Variants in PCDHA3 observed in about 807,000 individuals in gnomAD.
PCDHA3 encodes the protein protocadherin alpha 3, also known as protocadherin alpha-3.
A neutral mutation model predicts 62.2 loss-of-function variants in PCDHA3; 41 were observed. The ratio of observed to expected loss-of-function variants is 0.66; its 90% CI spans 0.51 to 0.86. The LOEUF is 0.86. Among genes scored for constraint, PCDHA3 ranks in the 40% least tolerant of loss-of-function variants. PCDHA3 has a pLI of 0.00. For missense variants in PCDHA3, 1,304 were observed against 1,241.2 expected (o/e 1.05, Z -0.76); for synonymous variants, 640 against 555.4 (o/e 1.15, Z -2.14).
intron 1 of PCDHA3, among the ~76,000 whole-genome samples, chr5:140,959,712 T>A (rs166567): frequency 0.25 from 37,822 of 152,086 alleles, 5,932 homozygotes; most frequent in African/African-American, 0.45. Flanking sequence ...AAAGGGAAAA[T>A]TTTTAGATAA....
intron 1 of PCDHA3, chr5:140,862,360 G>C (rs920511235): frequency 6.0e-6 from 2 of 334,746 alleles, no homozygotes; most frequent in Non-Finnish European, 1.2e-5. Flanking sequence ...AGGGACAGAC[G>C]ACCCGCACCC....
chr5:140,836,236 C>A lies in PCDHA3; in HGVS notation c.2394+32645C>A, dbSNP rs2150256110. On this transcript the variant is annotated intron_variant, in intron 1 of 3. Coordinates refer to ENST00000522353, the MANE Select transcript of PCDHA3 (RefSeq NM_018906.3). ...GAGTTGCAACCGGTGGCGGCCGGTG[C>A]GAGCATCCCGTTCCGCGTGGGGCTG... 5 of 1,613,676 alleles carry A rather than the reference C, an allele frequency of 3.1e-6. No individual in the cohort carries two copies. The East Asian group carries it at 6.7e-5, about 22-fold the overall frequency.
At chr5:140,958,810 G>T (rs2095443726) in intron 1 of PCDHA3, among the ~76,000 whole-genome samples, 1 of 151,988 alleles carries the variant, frequency 6.6e-6, no homozygotes, top group Non-Finnish European at 1.5e-5. Context: ...ACACCATTCT[G>T]TTTTAATTTT....
chr5:141,009,116 T>C (rs1382527068), intron 3 of PCDHA3, among the ~76,000 whole-genome samples: 1 of 152,236 alleles, frequency 6.6e-6, no homozygotes, highest in African/African-American at 2.4e-5. Flanking sequence ...TGAAACTAGA[T>C]TCTTGGTATC....
chr5:140,861,274 GCT>G lies in PCDHA3; in HGVS notation c.2394+57684_2394+57685del, dbSNP rs538032435. The G allele has an allele frequency of 1.4e-4, 25 of 180,670 alleles. 1 individual carries two copies. In the South Asian group the frequency reaches 2.9e-3, roughly 21 times the overall value. 11.2% of individuals were successfully genotyped at this position (180,670 alleles called of 1,614,324 possible). On this transcript the variant is annotated intron_variant, in intron 1 of 3. Transcript: ENST00000522353. The stretch of plus-strand genomic sequence containing the variant: ...AGGAATCCCGGAGCCTACAGCACTG[GCT>G]TCTGCTCCTTGAATTTTGTGAAGCG...
chr5:140,929,496 G>T, intron 1 of PCDHA3: 14 of 989,736 alleles, frequency 1.4e-5, no homozygotes, highest in Non-Finnish European at 1.8e-5. Context: ...TTAGAAGATT[G>T]CCCTAGGCCT....
At chr5:140,969,363 C>G (rs367871893) in intron 1 of PCDHA3, 4 of 1,610,614 alleles carry the variant, frequency 2.5e-6, no homozygotes, top group East Asian at 4.5e-5. Flanking sequence ...CTTCTACAAA[C>G]TCATGCATTT....
chr5:140,882,490 T>C, intron 1 of PCDHA3: 1 of 1,614,024 alleles, frequency 6.2e-7, no homozygotes, highest in Non-Finnish European at 8.5e-7. Context: ...ACGGGGACCT[T>C]CTGGAGGTAA....
At chr5:140,809,780 A>G in intron 1 of PCDHA3, 1 of 516,486 alleles carries the variant, frequency 1.9e-6, no homozygotes, top group Non-Finnish European at 3.3e-6. Flanking sequence ...TTCAATGCAT[A>G]TTAACAGAAC....
At chr5:140,879,672 G>C (rs1256239319) in intron 1 of PCDHA3, among the ~76,000 whole-genome samples, 1 of 152,160 alleles carries the variant, frequency 6.6e-6, no homozygotes, top group East Asian at 1.9e-4. Flanking sequence ...ACACAAACTG[G>C]GTGCTGTAAA....
chr5:140,870,759 G>C, intron 1 of PCDHA3: 1 of 1,613,572 alleles, frequency 6.2e-7, no homozygotes, highest in South Asian at 1.1e-5. Context: ...CGCTGCAGGT[G>C]TTCGTGCTGG....
At chr5:140,818,474 GT>G (rs1766369825) in intron 1 of PCDHA3, among the ~76,000 whole-genome samples, 1 of 152,132 alleles carries the variant, frequency 6.6e-6, no homozygotes, top group South Asian at 2.1e-4. Flanking sequence ...CTCCCACAAA[GT>G]TTTCACTCAC....
rs1053953271 is a variant in PCDHA3 at position 140,853,589 on chromosome 5, C to G, written c.2394+49998C>G. 1.4e-5 allele frequency: 14 copies of G among 986,246 alleles called. 3 individuals are homozygous for G. The highest frequency in any genetic ancestry group is 1.7e-5 in the Non-Finnish European group (14 of 818,496). 61.1% of individuals were successfully genotyped at this position (986,246 alleles called of 1,614,324 possible). A position where few individuals can be genotyped will look rare whatever the true frequency, so the allele number is the denominator to read the frequency against. The stretch of plus-strand genomic sequence containing the variant: ...AAGTTGTCACCCAATATCTTAGACA[C>G]TTTGAGAGCAAAGGGGGTGCTGTAA... On this transcript the variant is annotated intron_variant, in intron 1 of 3. Coordinates refer to ENST00000522353, the MANE Select transcript of PCDHA3 (RefSeq NM_018906.3).
intron 1 of PCDHA3, chr5:140,966,327 C>A (rs1381846026): frequency 5.1e-6 from 2 of 392,388 alleles, no homozygotes; most frequent in East Asian, 3.6e-5. Flanking sequence ...CCGCTGGGAT[C>A]CGGCAGGTCC....
chr5:140,961,929 G>C (rs1387333199), intron 1 of PCDHA3, among the ~76,000 whole-genome samples: 1 of 151,712 alleles, frequency 6.6e-6, no homozygotes, highest in Non-Finnish European at 1.5e-5. Context: ...TGTTGCCCAG[G>C]CTGGAGTGCA....
chr5:140,863,136 G>A (rs1554157813), intron 1 of PCDHA3: 5 of 603,754 alleles, frequency 8.3e-6, no homozygotes, highest in South Asian at 5.5e-5. Context: ...ACCGCCTGCT[G>A]GTGCTGGTGA....
chr5:140,929,166 C>T (rs782695019), intron 1 of PCDHA3: 1 of 1,614,146 alleles, frequency 6.2e-7, no homozygotes, highest in Non-Finnish European at 8.5e-7. Context: ...TCTATCGGGC[C>T]TCTCTGGGAC....
At chr5:140,843,560 A>T (rs2150362735) in intron 1 of PCDHA3, 1 of 1,595,676 alleles carries the variant, frequency 6.3e-7, no homozygotes, top group Non-Finnish European at 8.6e-7. Context: ...TGCGGTGGGG[A>T]GCTGGTCATA....
At chr5:140,947,796 T>C (rs2094177808) in intron 1 of PCDHA3, among the ~76,000 whole-genome samples, 2 of 151,630 alleles carry the variant, frequency 1.3e-5, no homozygotes, top group Non-Finnish European at 3.0e-5. Context: ...AACAGACTTT[T>C]AATTTGCAGA....
Sources: gnomAD v4.1 joint callset for allele counts (sites outside exome capture counted in the v4.1 genomes callset) on GRCh38, gnomAD v4.1.1 for gene constraint, MANE v1.5 for transcripts, NCBI Gene and HGNC (gene_info 2026-07-23, HGNC 2026-07-21) for gene names.